Variants in TGFBRAP1 observed in about 807,000 individuals in gnomAD.
TGFBRAP1 encodes transforming growth factor beta receptor associated protein 1.
TGFBRAP1 carries 20 observed loss-of-function variants against 83.2 expected under a neutral mutation model. The observed-to-expected ratio is 0.24, with a 90% confidence interval of 0.17 to 0.35. The LOEUF (loss-of-function observed/expected upper bound fraction) is 0.35. TGFBRAP1 is among the 10% of genes least tolerant of loss of function. The pLI is 1.00. For missense variants in TGFBRAP1, 950 were observed against 1,099.4 expected (o/e 0.86, Z 1.92); for synonymous variants, 415 against 459.8 (o/e 0.90, Z 1.25).
intron 7 of TGFBRAP1, 116 bp downstream of exon 7, chr2:105,277,498 G>T (rs191756460): frequency 2.3e-6 from 2 of 860,448 alleles, no homozygotes; most frequent in African/African-American, 1.7e-5. Context: ...CTGTATAAAA[G>T]GGTGTAGATC....
At chr2:105,251,746 T>G in the TGFBRAP1 span, among the ~76,000 whole-genome samples, 1 of 151,880 alleles carries the variant, frequency 6.6e-6, no homozygotes, top group Admixed American at 6.6e-5. Flanking sequence ...ATGGTTGCCA[T>G]GTCTGTGTAG....
At chr2:105,299,807 T>C (rs1678221634) in intron 2 of TGFBRAP1, among the ~76,000 whole-genome samples, 1 of 151,938 alleles carries the variant, frequency 6.6e-6, no homozygotes, top group Non-Finnish European at 1.5e-5. Flanking sequence ...AAGCTTTCAC[T>C]AGAATAAAAA....
intron 10 of TGFBRAP1, among the ~76,000 whole-genome samples, chr2:105,272,012 T>A (rs1677172452): frequency 6.6e-6 from 1 of 152,204 alleles, no homozygotes; most frequent in Non-Finnish European, 1.5e-5. Flanking sequence ...GCTCCTAAGC[T>A]CTGGAAGGTT....
chr2:105,315,385 T>C (rs1013979378), intron 1 of TGFBRAP1, among the ~76,000 whole-genome samples: 7 of 152,176 alleles, frequency 4.6e-5, no homozygotes, highest in Non-Finnish European at 1.0e-4. Flanking sequence ...ATTTCAGAAA[T>C]TGCTCTAATA....
At position 105,280,370 on chromosome 2, in the gene TGFBRAP1, G is replaced by A. The variant is rs200339354; in HGVS notation, c.1463+12C>T. ...CGGGAAGCCCTGATCATATCAGGAA[G>A]GGAACACTCACTTTTTGTGCTTCTC... On this transcript the variant is annotated intron_variant, in intron 6 of 11. Coordinates refer to ENST00000393359, the MANE Select transcript of TGFBRAP1 (RefSeq NM_004257.6). 6.2e-7 allele frequency: 1 copy of A among 1,609,942 alleles called. No homozygotes were observed. The highest frequency in any genetic ancestry group is 2.2e-5 in the East Asian group (1 of 44,812).
rs1469683012 is a variant in TGFBRAP1 at position 105,267,485 on chromosome 2, C to T, written c.2481G>A (p.Glu827=). 10 of 1,614,096 alleles carry T rather than the reference C, an allele frequency of 6.2e-6. No individual in the cohort carries two copies. The Admixed American group carries it at 1.7e-4, about 27-fold the overall frequency. Residue 827 remains glutamate (E), a synonymous_variant, in exon 12 of 12, where the codon GAG becomes GAA. Transcript: ENST00000393359. ...CATTTGGGTATCTAACAAACACAGGCTCACAAAAGGGATTTTGGCATATCT... is the reference window on the plus strand; with the variant it reads ...CATTTGGGTATCTAACAAACACAGGTTCACAAAAGGGATTTTGGCATATCT... The part of the protein sequence containing the change: ...LCQICQNPFC[E]PVFVRYPNGG...
intron 6 of TGFBRAP1, among the ~76,000 whole-genome samples, 180 bp downstream of exon 6, chr2:105,280,202 G>A (rs1677485498): frequency 6.6e-6 from 1 of 152,176 alleles, no homozygotes; most frequent in Admixed American, 6.5e-5. Flanking sequence ...TGGAGACAGA[G>A]AGGGCATCTG....
intron 1 of TGFBRAP1, among the ~76,000 whole-genome samples, chr2:105,313,650 C>G (rs1678761566): frequency 6.6e-6 from 1 of 152,120 alleles, no homozygotes; most frequent in Non-Finnish European, 1.5e-5. Context: ...ACAGATCATT[C>G]TTACTCACAA....
At position 105,308,158 on chromosome 2, in the gene TGFBRAP1, G is replaced by A. The variant is rs1347259498; in HGVS notation, c.144C>T (p.His48=). 2 of 1,614,082 alleles carry A rather than the reference G, an allele frequency of 1.2e-6. No individual in the cohort carries two copies. The highest frequency in any genetic ancestry group is 1.7e-5 in the Admixed American group (1 of 60,008). Residue 48 remains histidine (H), a synonymous_variant, in exon 2 of 12, where the codon CAC becomes CAT. Coordinates refer to ENST00000393359, the MANE Select transcript of TGFBRAP1 (RefSeq NM_004257.6). ...GCACTGGCCTCTCCTCCAACAGGAAGTGGTAGACGAAGCAGTCGTTGGTGC... is the reference window on the plus strand; with the variant it reads ...GCACTGGCCTCTCCTCCAACAGGAAATGGTAGACGAAGCAGTCGTTGGTGC... ...YVGTNDCFVY[H]FLLEERPVPA... is the part of the protein sequence containing the mutation.
intron 1 of TGFBRAP1, chr2:105,324,937 C>T (rs1679181392): frequency 6.6e-6 from 1 of 152,196 alleles, no homozygotes; most frequent in Admixed American, 6.5e-5. Flanking sequence ...GAATCCTGAG[C>T]TCTGCTTGTT....
Position 105,318,333 on chromosome 2 carries a change from G to A in TGFBRAP1, c.-17-10015C>T, listed in dbSNP as rs1467446300. Among the ~76,000 whole-genome samples, 2 of 152,192 alleles carry A rather than the reference G, an allele frequency of 1.3e-5. 1 individual carries two copies. The highest frequency in any genetic ancestry group is 2.9e-5 in the Non-Finnish European group (2 of 68,040). On this transcript the variant is annotated intron_variant, in intron 1 of 11. Transcript: ENST00000393359. ...ATCCGGGGAGGATGGGACTGGGTAT[G>A]GGTGTGCATGAGATTCCCAACGGTC...
intron 2 of TGFBRAP1, among the ~76,000 whole-genome samples, chr2:105,303,570 G>A (rs1339733947): frequency 6.6e-6 from 1 of 152,214 alleles, no homozygotes; most frequent in Non-Finnish European, 1.5e-5. Flanking sequence ...TTGCGTCCAC[G>A]AGTTTATAAT....
intron 1 of TGFBRAP1, among the ~76,000 whole-genome samples, chr2:105,318,692 C>T (rs1678961237): frequency 6.6e-6 from 1 of 152,162 alleles, no homozygotes; most frequent in South Asian, 2.1e-4. Flanking sequence ...TATTTAATGG[C>T]CATTTCTCAG....
the TGFBRAP1 span, among the ~76,000 whole-genome samples, chr2:105,258,654 A>G: frequency 6.6e-6 from 1 of 151,710 alleles, no homozygotes; most frequent in Non-Finnish European, 1.5e-5. Context: ...GAAACTTCTC[A>G]GCCTCCAGAA....
At chr2:105,296,067 A>C (rs1678078360) in intron 4 of TGFBRAP1, among the ~76,000 whole-genome samples, 1 of 152,204 alleles carries the variant, frequency 6.6e-6, no homozygotes, top group Admixed American at 6.5e-5. Context: ...CGGAAGAGGA[A>C]AGTTGATTAG....
chr2:105,279,127 G>A (rs1677444876), intron 6 of TGFBRAP1, among the ~76,000 whole-genome samples: 1 of 152,134 alleles, frequency 6.6e-6, no homozygotes, highest in South Asian at 2.1e-4. Context: ...AGAAAAGTGA[G>A]GCCTAGAATG....
At chr2:105,275,490 G>T in intron 8 of TGFBRAP1, 70 bp downstream of exon 8, 2 of 1,563,114 alleles carry the variant, frequency 1.3e-6, no homozygotes, top group Non-Finnish European at 1.7e-6. Flanking sequence ...CCTCCTAAAA[G>T]CAAAGCTTTT....
At chr2:105,284,622 C>G (rs2679898) in intron 4 of TGFBRAP1, among the ~76,000 whole-genome samples, 23,527 of 152,174 alleles carry the variant, frequency 0.15, 2,282 homozygotes, top group South Asian at 0.24. Flanking sequence ...CTCCAATACT[C>G]CTCCTCATTA....
At chr2:105,268,859 T>G (rs973458238) in intron 11 of TGFBRAP1, among the ~76,000 whole-genome samples, 1 of 152,270 alleles carries the variant, frequency 6.6e-6, no homozygotes, top group African/African-American at 2.4e-5. Flanking sequence ...ATGCGACTGC[T>G]CTCTGCCTCA....
Sources: gnomAD v4.1 joint callset for allele counts (sites outside exome capture counted in the v4.1 genomes callset) on GRCh38, gnomAD v4.1.1 for gene constraint, MANE v1.5 for transcripts, NCBI Gene and HGNC (gene_info 2026-07-23, HGNC 2026-07-21) for gene names.